The following KLK12 variants were observed in gnomAD, a reference collection of about 807,000 sequenced individuals.
KLK12 encodes kallikrein-12.
A neutral mutation model predicts 20.0 loss-of-function variants in KLK12; 23 were observed. The observed-to-expected ratio is 1.15, with a 90% confidence interval of 0.83 to 1.63. The LOEUF (loss-of-function observed/expected upper bound fraction) is 1.63, where lower values mean the gene tolerates loss of function less well. Ranked by LOEUF, KLK12 falls within the 40% of genes most tolerant of loss-of-function variation. KLK12 has a pLI of 0.00. For missense variants in KLK12, 351 were observed against 338.6 expected, an observed-to-expected ratio of 1.04 and a Z score of -0.29; for synonymous variants, 147 against 141.9, an observed-to-expected ratio of 1.04 and a Z score of -0.25.
intron 3 of KLK12, among the ~76,000 whole-genome samples, 195 bp from the exon 4 acceptor site, chr19:51,032,330 G>A (rs2091567917): frequency 6.6e-6 from 1 of 150,860 alleles, no homozygotes; most frequent in African/African-American, 2.4e-5. Flanking sequence ...TTCCATCTTG[G>A]GTGTTCCCTG....
chr19:51,032,263 A>G (rs955111181), intron 3 of KLK12, 128 bp from the exon 4 acceptor site: 3 of 1,054,418 alleles, frequency 2.8e-6, no homozygotes, highest in Non-Finnish European at 4.2e-6. Context: ...CTCACCCGCA[A>G]CTCTCATTCT....
chr19:51,033,155 G>A (rs1156692042), intron 3 of KLK12, among the ~76,000 whole-genome samples: 1 of 150,968 alleles, frequency 6.6e-6, no homozygotes, highest in Non-Finnish European at 1.5e-5. Context: ...GGTTGAGGCT[G>A]TAGTGAGCCA....
Position 51,030,850 on chromosome 19 carries a change from G to T in KLK12, c.529C>A (p.Pro177Thr), listed in dbSNP as rs768848228. The change falls in exon 5 of 6, where the codon CCC (proline) becomes ACC (threonine). Residue 177 changes from proline (P) to threonine (T), a missense_variant. Transcript: ENST00000684732. The stretch of plus-strand genomic sequence containing the variant: ...ACCATGTTGCTCGTGATTCTCCCGG[G>T]ATACACACCATGGCAGGTGGCATGG... The part of the protein sequence containing the change: ...VSHATCHGVY[P>T]GRITSNMVCA... 7 of 1,614,028 alleles carry T rather than the reference G, an allele frequency of 4.3e-6. No homozygotes were observed. Among genetic ancestry groups the T allele is most frequent in the Non-Finnish European group, 5.9e-6 (7 of 1,180,038 alleles).
Position 51,029,475 on chromosome 19 carries a change from T to C in KLK12, c.592-18A>G. On this transcript the variant is annotated intron_variant, in intron 5 of 5. Coordinates refer to ENST00000684732, the MANE Select transcript of KLK12 (RefSeq NM_001370125.1). ...GAATCACCCTGGAAGGGAAGAGAAG[T>C]ACTGTCTGAACAAGGGAGACATCTT... 6.3e-7 allele frequency: 1 copy of C among 1,590,558 alleles called. No individual in the cohort carries two copies. The highest frequency in any genetic ancestry group is 1.7e-5 in the Admixed American group (1 of 59,970).
intron 2 of KLK12, 137 bp from the exon 3 acceptor site, chr19:51,034,276 G>A: frequency 8.5e-7 from 1 of 1,173,302 alleles, no homozygotes; most frequent in Admixed American, 2.1e-5. Flanking sequence ...AAGAGAGAGA[G>A]ACCCAGTGAT....
In KLK12 at chr19:51,029,198, CCAA is replaced by C; in HGVS notation, c.*101_*103del. The C allele has an allele frequency of 1.2e-6, 2 of 1,614,080 alleles. No individual in the cohort carries two copies. The highest frequency in any genetic ancestry group is 1.7e-6 in the Non-Finnish European group (2 of 1,180,022). On this transcript the variant is annotated 3_prime_UTR_variant, in exon 6 of 6. Coordinates refer to ENST00000684732, the MANE Select transcript of KLK12 (RefSeq NM_001370125.1). ...GTTAAAGTTCCAAGAAGTTCCCAGGCCAACAAGAGTGGAGCTAGGGGAAGTGAT... is the reference window on the plus strand; with the variant it reads ...GTTAAAGTTCCAAGAAGTTCCCAGGCCAAGAGTGGAGCTAGGGGAAGTGAT...
At chr19:51,033,626 A>AAAAAAG (rs1209097289) in intron 3 of KLK12, among the ~76,000 whole-genome samples, 1 of 152,206 alleles carries the variant, frequency 6.6e-6, no homozygotes, top group East Asian at 1.9e-4. Flanking sequence ...AAAAAAATAA[A>AAAAAAG]AAAAAGAAAA....
At chr19:51,034,546 G>T (rs1284000228) in intron 2 of KLK12, 39 bp downstream of exon 2, 1 of 1,602,108 alleles carries the variant, frequency 6.2e-7, no homozygotes, top group Non-Finnish European at 8.5e-7. Context: ...AAGGGATCCA[G>T]TCGCAGTCCT....
intron 3 of KLK12, among the ~76,000 whole-genome samples, chr19:51,033,237 A>G (rs1429395810): frequency 1.3e-5 from 2 of 151,292 alleles, no homozygotes; most frequent in Non-Finnish European, 3.0e-5. Flanking sequence ...AAAAAAAAAG[A>G]AAGAAAAAGA....
In KLK12 at chr19:51,029,398, C is replaced by T. The variant is rs1426376558; in HGVS notation, c.651G>A (p.Gly217=). 1.2e-6 allele frequency: 2 copies of T among 1,613,750 alleles called. No homozygotes were observed. Among genetic ancestry groups the T allele is most frequent in the African/African-American group, 1.3e-5 (1 of 75,012 alleles). ...GGVLQGLVSW[G]SVGPCGQDGI... ...CATCTTGTCCACAGGGCCCCACAGACCCCCAGGACACCAGACCTTGAAGGA... is the reference window on the plus strand; with the variant it reads ...CATCTTGTCCACAGGGCCCCACAGATCCCCAGGACACCAGACCTTGAAGGA... The change falls in exon 6 of 6, where the codon GGG becomes GGA. Residue 217 remains glycine (G), a synonymous_variant. Coordinates refer to ENST00000684732, the MANE Select transcript of KLK12 (RefSeq NM_001370125.1).
chr19:51,031,587 T>TATAC (rs1421349972), intron 4 of KLK12, among the ~76,000 whole-genome samples: 1 of 131,896 alleles, frequency 7.6e-6, no homozygotes, highest in Non-Finnish European at 1.6e-5. Flanking sequence ...GCCCATATCC[T>TATAC]ATACATACAT....
Position 51,033,979 on chromosome 19 carries a change from C to G in KLK12, c.197+1G>C. ...TTCGCCCACCCCAGGAAGGGACTTA[C>G]CTGCCGCTGCAGTGAGCCGCTGTGA... On this transcript the variant is annotated splice_donor_variant, in intron 3 of 5. Coordinates refer to ENST00000684732, the MANE Select transcript of KLK12 (RefSeq NM_001370125.1). LOFTEE classifies it high-confidence loss of function. 2 of 1,611,254 alleles carry G rather than the reference C, an allele frequency of 1.2e-6. No individual in the cohort carries two copies. Among genetic ancestry groups the G allele is most frequent in the South Asian group, 2.2e-5 (2 of 90,414 alleles).
intron 4 of KLK12, 82 bp from the exon 5 acceptor site, chr19:51,031,003 A>G (rs1268202979): frequency 8.5e-6 from 13 of 1,527,822 alleles, no homozygotes; most frequent in Non-Finnish European, 1.0e-5. Context: ...GATGTGGCCC[A>G]TCCATGTCAA....
Position 51,033,999 on chromosome 19 carries a change from CT to C in KLK12, c.177del (p.Ala60ArgfsTer34). 6.2e-7 allele frequency: 1 copy of C among 1,611,742 alleles called. No individual in the cohort carries two copies. Among genetic ancestry groups the C allele is most frequent in the Non-Finnish European group, 8.5e-7 (1 of 1,179,340 alleles). Reference sequence around the variant, plus strand: ...ACTTACCTGCCGCTGCAGTGAGCCGCTGTGAGGACCCACCTGTGGTCAATAA... The same window carrying C: ...ACTTACCTGCCGCTGCAGTGAGCCGCGTGAGGACCCACCTGTGGTCAATAA... ...GVLIDHRWVL[T>X]AAHCSGSRYW... On this transcript the variant is annotated frameshift_variant, in exon 3 of 6. Coordinates refer to ENST00000684732, the MANE Select transcript of KLK12 (RefSeq NM_001370125.1). LOFTEE classifies it high-confidence loss of function.
Position 51,032,021 on chromosome 19 carries a change from G to A in KLK12, c.312C>T (p.Ser104=). ...THPGYLGAST[S]HEHDLRLLRL... ...GCAGCAGCCGGAGGTCGTGCTCGTGGCTCGTCGAGGCTCCCAGGTAGCCGG... is the reference window on the plus strand; with the variant it reads ...GCAGCAGCCGGAGGTCGTGCTCGTGACTCGTCGAGGCTCCCAGGTAGCCGG... Residue 104 remains serine, a synonymous_variant, in exon 4 of 6, where the codon AGC becomes AGT. Transcript: ENST00000684732. The A allele has an allele frequency of 2.5e-6, 4 of 1,609,866 alleles. No homozygotes were observed. The highest frequency in any genetic ancestry group is 3.4e-6 in the Non-Finnish European group (4 of 1,179,184).
At chr19:51,031,687 T>C in intron 4 of KLK12, 189 bp downstream of exon 4, 1 of 731,236 alleles carries the variant, frequency 1.4e-6, no homozygotes, top group Non-Finnish European at 2.4e-6. Flanking sequence ...TACCCAGTCC[T>C]TTAACCCCTT....
intron 4 of KLK12, 22 bp downstream of exon 4, chr19:51,031,854 C>T (rs375087664): frequency 1.9e-6 from 3 of 1,612,606 alleles, no homozygotes; most frequent in African/African-American, 2.7e-5. Context: ...TGACCCCTGA[C>T]CCCTGGCCCT....
rs1212963639 is a variant in KLK12, at chr19:51,031,956, G to T, written c.377C>A (p.Pro126His). 6.2e-7 allele frequency: 1 copy of T among 1,613,508 alleles called. No homozygotes were observed. The highest frequency in any genetic ancestry group is 8.5e-7 in the Non-Finnish European group (1 of 1,179,768). The change falls in exon 4 of 6, where the codon CCC becomes CAC. Residue 126 changes from proline to histidine, a missense_variant. Physicochemically the swap from Pro to His is moderately conservative, Grantham distance 77 (BLOSUM62 -2). Coordinates refer to ENST00000684732, the MANE Select transcript of KLK12 (RefSeq NM_001370125.1). ...TGCACAGTCATTGGGCAGGGGCAGG[G>T]GTTGAACGCTGCTGGTTACGCGGAC... is the stretch of plus-strand genomic sequence containing the variant. Reference protein sequence around the residue: ...LPVRVTSSVQPLPLPNDCATA... With the variant: ...LPVRVTSSVQHLPLPNDCATA...
intron 2 of KLK12, 44 bp from the exon 3 acceptor site, chr19:51,034,183 T>C: frequency 1.3e-6 from 2 of 1,540,918 alleles, no homozygotes; most frequent in Non-Finnish European, 1.8e-6. Flanking sequence ...GAAGAAAAGA[T>C]ACAGAGATGG....
Sources: gnomAD v4.1 joint callset for allele counts (sites outside exome capture counted in the v4.1 genomes callset) on GRCh38, gnomAD v4.1.1 for gene constraint, MANE v1.5 for transcripts, NCBI Gene and HGNC (gene_info 2026-07-23, HGNC 2026-07-21) for gene names.